Variants in CDKN2A observed in about 807,000 individuals in gnomAD.
The protein encoded by CDKN2A is cyclin dependent kinase inhibitor 2A, also known as cyclin-dependent kinase inhibitor 2A.
CDKN2A carries 3 observed loss-of-function variants against 11.1 expected under a neutral mutation model. The ratio of observed to expected loss-of-function variants is 0.27; its 90% confidence interval spans 0.12 to 0.70. The LOEUF is 0.70. Ranked by LOEUF, CDKN2A falls within the 30% of genes least tolerant of loss-of-function variation. The pLI, the probability that CDKN2A is intolerant of heterozygous loss-of-function variation, is 0.77. For synonymous variants in CDKN2A, 122 were observed against 108.1 expected (o/e 1.13, Z -0.80); for missense variants, 265 against 233.6 (o/e 1.13, Z -0.88).
intron 1 of CDKN2A, among the ~76,000 whole-genome samples, chr9:21,973,371 A>T (rs1311027779): frequency 6.6e-6 from 1 of 152,260 alleles, no homozygotes; most frequent in Non-Finnish European, 1.5e-5. Context: ...ACACCAATGT[A>T]GTTAGGATTC....
chr9:21,991,929 G>C lies in CDKN2A; in HGVS notation c.-4+1953C>G. ...GCTATTAAAGAAAAAAATAACCTGA[G>C]CCTTCTGAAGTAGCTATAAACAAAT... On this transcript the variant is annotated intron_variant, in intron 2 of 3. Transcript: ENST00000494262. The surrounding 1 kb of genome is among the most constrained non-coding windows in gnomAD (Gnocchi z 5.2). 1 of 984,436 alleles carries C rather than the reference G, an allele frequency of 1.0e-6. No homozygotes were observed. The highest frequency in any genetic ancestry group is 1.2e-6 in the Non-Finnish European group (1 of 829,112). 61.0% of individuals were successfully genotyped at this position (984,436 alleles called of 1,614,324 possible). A position where few individuals can be genotyped will look rare whatever the true frequency, so the allele number is the denominator to read the frequency against.
chr9:21,973,405 T>C (rs566856970), intron 1 of CDKN2A, among the ~76,000 whole-genome samples: 1 of 152,362 alleles, frequency 6.6e-6, no homozygotes, highest in African/African-American at 2.4e-5. Context: ...TTTCCCCTTT[T>C]CTACATGTTC....
chr9:21,968,585 G>T lies in CDKN2A; in HGVS notation c.458-343C>A. On this transcript the variant is annotated intron_variant, in intron 2 of 2. Coordinates refer to ENST00000304494, the MANE Select transcript of CDKN2A (RefSeq NM_000077.5). This position sits in a 1 kb window ranked among gnomAD's most constrained non-coding sequence, Gnocchi z 4.7. ...TCAGTGGTTGCTCACAATGCCAGGC[G>T]CGAAGGCGTGAAGATGTGGCCTTTC... 6.8e-7 allele frequency: 1 copy of T among 1,471,992 alleles called. No homozygotes were observed. The highest frequency in any genetic ancestry group is 1.4e-5 in the South Asian group (1 of 72,628). The allele number at this position is 1,471,992 out of a possible 1,614,324, so 91.2% of individuals were successfully genotyped here. A position where few individuals can be genotyped will look rare whatever the true frequency, so the allele number is the denominator to read the frequency against.
At chr9:21,971,589 T>G (rs1283285346) in intron 1 of CDKN2A, among the ~76,000 whole-genome samples, 2 of 150,092 alleles carry the variant, frequency 1.3e-5, no homozygotes, top group Non-Finnish European at 1.5e-5. Context: ...TTTTTTTTTT[T>G]TTTGTTCACT....
rs1262089109 is a variant in CDKN2A at position 21,991,777 on chromosome 9, G to T, written c.-4+2105C>A. On this transcript the variant is annotated intron_variant, in intron 2 of 3. Coordinates refer to the CDKN2A transcript ENST00000494262. This position sits in a 1 kb window ranked among gnomAD's most constrained non-coding sequence, Gnocchi z 5.2. ...TCAAGAGTACTCAAAGAAGTAAAAT[G>T]AATATAAGTCTTGATTTCTGAAAGG... 1.0e-6 allele frequency: 1 copy of T among 984,984 alleles called. No individual in the cohort carries two copies. The highest frequency in any genetic ancestry group is 1.2e-6 in the Non-Finnish European group (1 of 829,696). 61.0% of individuals were successfully genotyped at this position (984,984 alleles called of 1,614,324 possible).
At chr9:21,993,948 GGGA>G (rs1488961072) in exon 2 of CDKN2A, 15 of 670,360 alleles carry the variant, frequency 2.2e-5, no homozygotes, top group Non-Finnish European at 3.9e-5. Context: ...GCTGTGTGAA[GGGA>G]GGTCCAGGTT....
chr9:21,991,132 A>G lies in CDKN2A; in HGVS notation c.-4+2750T>C, dbSNP rs544661889. Among the ~76,000 whole-genome samples the G allele has an allele frequency of 3.0e-4, 46 of 152,332 alleles. No individual in the cohort carries two copies. The highest frequency in any genetic ancestry group is 1.1e-3 in the African/African-American group (45 of 41,578). On this transcript the variant is annotated intron_variant, in intron 2 of 3. Coordinates refer to the CDKN2A transcript ENST00000494262. The surrounding 1 kb of genome is among the most constrained non-coding windows in gnomAD (Gnocchi z 5.2). ...TAAACTGCCAAAATAAAGCACCACAAAAACTTTTTATCACGTTGGTTTTTG... is the reference window on the plus strand; with the variant it reads ...TAAACTGCCAAAATAAAGCACCACAGAAACTTTTTATCACGTTGGTTTTTG...
At chr9:21,977,595 A>G (rs1820070768), upstream of CDKN2A, among the ~76,000 whole-genome samples, 1 of 152,072 alleles carries the variant, frequency 6.6e-6, no homozygotes, top group Admixed American at 6.6e-5. Flanking sequence ...CGAACTCCTG[A>G]CCTCAGGTGA....
At chr9:21,975,489 T>G (rs1820000398), upstream of CDKN2A, among the ~76,000 whole-genome samples, 1 of 151,796 alleles carries the variant, frequency 6.6e-6, no homozygotes. Context: ...CCCTTGATTT[T>G]CAGGAGCGCG....
At position 21,993,944 on chromosome 9, in the gene CDKN2A, T is replaced by A. The variant is rs948348911; in HGVS notation, c.-66A>T. On this transcript the variant is annotated 5_prime_UTR_variant, in exon 2 of 4. Coordinates refer to the CDKN2A transcript ENST00000494262. ...AGTTTCCCACGATTGAGGGGCTGTG[T>A]GAAGGGAGGTCCAGGTTCAATGGTA... The A allele has an allele frequency of 3.3e-5, 22 of 662,488 alleles. No individual in the cohort carries two copies. In the African/African-American group the frequency reaches 3.6e-4, roughly 11 times the overall value. The allele number at this position is 662,488 out of a possible 1,614,324, so 41.0% of individuals were successfully genotyped here.
At chr9:21,992,345 ATAT>A (rs1359423106) in intron 2 of CDKN2A, 7 of 894,002 alleles carry the variant, frequency 7.8e-6, no homozygotes, top group Middle Eastern at 5.7e-4. Flanking sequence ...GCTAGATTTT[ATAT>A]TATGTATATC....
In CDKN2A at chr9:21,968,259, G is replaced by A. The variant is rs777951032; in HGVS notation, c.458-17C>T. Reference sequence around the variant, plus strand: ...CGGGGATGTCTGCAGAGGGCAGAAAGAAAACAGGCGTTAGAAACCTGAGGT... The same window carrying A: ...CGGGGATGTCTGCAGAGGGCAGAAAAAAAACAGGCGTTAGAAACCTGAGGT... On this transcript the variant is annotated splice_polypyrimidine_tract_variant and intron_variant, in intron 2 of 2. Coordinates refer to ENST00000304494, the MANE Select transcript of CDKN2A (RefSeq NM_000077.5). The surrounding 1 kb of genome is among the most constrained non-coding windows in gnomAD (Gnocchi z 4.7). 8 of 1,613,890 alleles carry A rather than the reference G, an allele frequency of 5.0e-6. No individual in the cohort carries two copies. In the East Asian group the frequency reaches 1.8e-4, roughly 36 times the overall value.
chr9:21,990,369 T>A (rs999374840), intron 2 of CDKN2A, among the ~76,000 whole-genome samples: 3 of 152,164 alleles, frequency 2.0e-5, no homozygotes, highest in African/African-American at 7.2e-5. Flanking sequence ...TTCTCGTGTA[T>A]GACACTTAAA....
At chr9:21,987,565 A>AAC (rs1192721670) in intron 2 of CDKN2A, among the ~76,000 whole-genome samples, 1 of 152,116 alleles carries the variant, frequency 6.6e-6, no homozygotes, top group African/African-American at 2.4e-5. Flanking sequence ...TAAGCTTTAA[A>AAC]ACACAAATAT....
At position 21,970,981 on chromosome 9, in the gene CDKN2A, G is replaced by A. The variant is rs2131092754; in HGVS notation, c.378C>T (p.Val126=). 1 of 1,610,838 alleles carries A rather than the reference G, an allele frequency of 6.2e-7. No homozygotes were observed. Among genetic ancestry groups the A allele is most frequent in the Non-Finnish European group, 8.5e-7 (1 of 1,180,012 alleles). The part of the protein sequence containing the change: ...DLAEELGHRD[V]ARYLRAAAGG... ...CCGCAGCCGCGCGCAGGTACCGTGCGACATCGCGATGGCCCAGCTCCTCAG... is the reference window on the plus strand; with the variant it reads ...CCGCAGCCGCGCGCAGGTACCGTGCAACATCGCGATGGCCCAGCTCCTCAG... The change falls in exon 2 of 3, where the codon GTC becomes GTT. Residue 126 remains valine (V), a synonymous_variant. Coordinates refer to ENST00000304494, the MANE Select transcript of CDKN2A (RefSeq NM_000077.5).
intron 2 of CDKN2A, chr9:21,969,475 G>A (rs941136410): frequency 1.4e-5 from 5 of 348,866 alleles, no homozygotes; most frequent in Non-Finnish European, 2.1e-5. Context: ...TCACGCAGTA[G>A]AATCTAACCA....
At chr9:21,994,510 AC>A (rs1820549903) in intron 1 of CDKN2A, 22 of 1,081,502 alleles carry the variant, frequency 2.0e-5, no homozygotes, top group Admixed American at 1.1e-4. Flanking sequence ...CCCCACCTTC[AC>A]CCCCACCCCC....
upstream of CDKN2A, among the ~76,000 whole-genome samples, chr9:21,978,957 T>C (rs1434834809): frequency 6.6e-6 from 1 of 152,184 alleles, no homozygotes; most frequent in African/African-American, 2.4e-5. Flanking sequence ...AACAGTTGTT[T>C]AGGGATTAAA....
rs2811711 is a variant in CDKN2A, at chr9:21,993,965, T to C, written c.-87A>G. 89,452 of 720,858 alleles carry C rather than the reference T, an allele frequency of 0.12. 6,285 individuals carry two copies. Among genetic ancestry groups the C allele is most frequent in the African/African-American group, 0.16 (9,148 of 57,274 alleles). The allele number at this position is 720,858 out of a possible 1,614,324, so 44.7% of individuals were successfully genotyped here. On this transcript the variant is annotated 5_prime_UTR_variant, in exon 2 of 4. Transcript: ENST00000494262. ...TGTGTGAAGGGAGGTCCAGGTTCAATGGTACTGCGAGAACCACATGTCTAA... is the reference window on the plus strand; with the variant it reads ...TGTGTGAAGGGAGGTCCAGGTTCAACGGTACTGCGAGAACCACATGTCTAA...
Sources: gnomAD v4.1 joint callset for allele counts (sites outside exome capture counted in the v4.1 genomes callset) on GRCh38, gnomAD v4.1.1 for gene constraint, Gnocchi (gnomAD v3.1) non-coding constraint, MANE v1.5 for transcripts, NCBI Gene and HGNC (gene_info 2026-07-23, HGNC 2026-07-21) for gene names.